The following NELL2 variants were observed in gnomAD, a reference collection of about 807,000 sequenced individuals.
NELL2 encodes the protein protein kinase C-binding protein NELL2.
In NELL2, 41 loss-of-function variants were observed where a neutral mutation model predicts 109.6. The observed-to-expected ratio is 0.37, with a 90% CI of 0.29 to 0.49. The LOEUF is 0.49. Ranked by LOEUF, NELL2 falls within the 20% of genes least tolerant of loss-of-function variation. NELL2 has a pLI of 0.98. For missense variants in NELL2, 900 were observed against 1,008.3 expected (o/e 0.89, Z 1.45); for synonymous variants, 355 against 344.7 (o/e 1.03, Z -0.33).
At chr12:44,630,133 G>C (rs192613583) in intron 13 of NELL2, among the ~76,000 whole-genome samples, 33 of 152,258 alleles carry the variant, frequency 2.2e-4, no homozygotes, top group African/African-American at 7.9e-4. Context: ...AAGAAGACTT[G>C]ATATGAACAG....
chr12:44,682,064 T>A (rs1317529474), intron 12 of NELL2, among the ~76,000 whole-genome samples: 4 of 150,984 alleles, frequency 2.6e-5, no homozygotes, highest in African/African-American at 9.9e-5. Context: ...TTTCTCCACA[T>A]CCTCTCCAGC....
At chr12:44,774,383 T>C (rs189815387) in intron 9 of NELL2, among the ~76,000 whole-genome samples, 2 of 152,318 alleles carry the variant, frequency 1.3e-5, no homozygotes, top group African/African-American at 4.8e-5. Context: ...TGAAGGCCAC[T>C]TGTATCATGG....
chr12:44,768,825 T>C (rs1244367980), intron 9 of NELL2, among the ~76,000 whole-genome samples: 1 of 152,194 alleles, frequency 6.6e-6, no homozygotes, highest in Non-Finnish European at 1.5e-5. Flanking sequence ...CTCGTGTCTC[T>C]ATCACACCAA....
In NELL2 at chr12:44,610,894, G is replaced by A; in HGVS notation, c.1521C>T (p.Asn507=). The change falls in exon 14 of 20, where the codon AAC becomes AAT. Residue 507 remains asparagine, a synonymous_variant. Coordinates refer to ENST00000429094, the MANE Select transcript of NELL2 (RefSeq NM_001145108.2). Reference sequence around the variant, plus strand: ...CTGTATAGCCCGGCTTGCAAACACAGTTGTGTCCTCCAACAGTGTTGAAGC... The same window carrying A: ...CTGTATAGCCCGGCTTGCAAACACAATTGTGTCCTCCAACAGTGTTGAAGC... The part of the protein sequence containing the change: ...ALCFNTVGGH[N]CVCKPGYTGN... The A allele has an allele frequency of 6.2e-7, 1 of 1,613,190 alleles. No homozygotes were observed. The highest frequency in any genetic ancestry group is 1.7e-4 in the Middle Eastern group (1 of 6,056).
chr12:44,645,291 C>T (rs948274911), intron 13 of NELL2, among the ~76,000 whole-genome samples: 5 of 152,134 alleles, frequency 3.3e-5, no homozygotes, highest in African/African-American at 1.2e-4. Flanking sequence ...TAAATTATTA[C>T]TCTGTCTGCT....
intron 11 of NELL2, among the ~76,000 whole-genome samples, chr12:44,705,957 A>G (rs1937854403): frequency 6.6e-6 from 1 of 152,104 alleles, no homozygotes; most frequent in Non-Finnish European, 1.5e-5. Flanking sequence ...GACTCTGCCC[A>G]ATATTATCTA....
rs12228073 is a variant in NELL2 at position 44,836,431 on chromosome 12, C to T, written c.185-20295G>A. 0.013 allele frequency among the ~76,000 whole-genome samples: 1,961 copies of T among 152,268 alleles called. 89 individuals are homozygous for T. The East Asian group carries it at 0.17, about 13-fold the overall frequency. On this transcript the variant is annotated intron_variant, in intron 2 of 19. Coordinates refer to ENST00000429094, the MANE Select transcript of NELL2 (RefSeq NM_001145108.2). ...GGTGAAACCACACTCAAACTTCCCA[C>T]GTAGAACCCCAAGAATGTTTCCTCA...
chr12:44,569,897 A>G (rs1226194131), intron 15 of NELL2, among the ~76,000 whole-genome samples: 1 of 152,184 alleles, frequency 6.6e-6, no homozygotes, highest in Non-Finnish European at 1.5e-5. Flanking sequence ...ATTTCCAGCC[A>G]GGGATTTAAA....
At chr12:44,573,607 A>G (rs1021388224) in intron 15 of NELL2, among the ~76,000 whole-genome samples, 38 of 152,346 alleles carry the variant, frequency 2.5e-4, no homozygotes, top group African/African-American at 8.4e-4. Context: ...ACAGCAAAGA[A>G]CAGAATATAT....
intron 1 of NELL2, among the ~76,000 whole-genome samples, chr12:44,896,753 A>G (rs1310032345): frequency 6.6e-6 from 1 of 152,180 alleles, no homozygotes; most frequent in Non-Finnish European, 1.5e-5. Flanking sequence ...ATTTATTTTT[A>G]AAGGGCAGAT....
intron 13 of NELL2, among the ~76,000 whole-genome samples, chr12:44,659,699 G>A (rs542373694): frequency 1.3e-5 from 2 of 152,096 alleles, no homozygotes; most frequent in East Asian, 3.9e-4. Flanking sequence ...TAAAATATAA[G>A]CACTAGGCAT....
Position 44,685,880 on chromosome 12 carries a change from G to T in NELL2, c.1318+17846C>A, listed in dbSNP as rs1012871115. Among the ~76,000 whole-genome samples, 3 of 151,996 alleles carry T rather than the reference G, an allele frequency of 2.0e-5. No homozygotes were observed. The South Asian group carries it at 6.2e-4, about 32-fold the overall frequency. ...CCTTCATTTCAACTTTGGTGAATCC[G>T]ACAATTATGTGTCTTGGTGTTGCTC... On this transcript the variant is annotated intron_variant, in intron 12 of 19. Transcript: ENST00000429094.
At chr12:44,701,761 T>C (rs896506840) in intron 12 of NELL2, among the ~76,000 whole-genome samples, 3 of 152,078 alleles carry the variant, frequency 2.0e-5, no homozygotes, top group African/African-American at 7.2e-5. Flanking sequence ...GCAATAGCCT[T>C]CCAACTCATC....
chr12:44,548,924 C>T (rs1942916507), intron 15 of NELL2, among the ~76,000 whole-genome samples: 1 of 152,044 alleles, frequency 6.6e-6, no homozygotes, highest in Admixed American at 6.6e-5. Flanking sequence ...TATTTATTCC[C>T]CAGTGGAATG....
intron 13 of NELL2, among the ~76,000 whole-genome samples, chr12:44,644,872 G>A (rs1380712623): frequency 2.0e-5 from 3 of 151,552 alleles, no homozygotes; most frequent in Non-Finnish European, 4.4e-5. Context: ...TGGGTGTACA[G>A]AAGCAGGAGG....
chr12:44,915,024 TA>T (rs1279115059), upstream of NELL2, among the ~76,000 whole-genome samples: 3,428 of 136,588 alleles, frequency 0.025, 143 homozygotes, highest in African/African-American at 0.084. Context: ...TAATTTTTTG[TA>T]TTTTTTTAGT....
chr12:44,721,507 A>T (rs1363111927), intron 9 of NELL2, among the ~76,000 whole-genome samples: 2 of 152,178 alleles, frequency 1.3e-5, no homozygotes, highest in Non-Finnish European at 2.9e-5. Flanking sequence ...GTCACTTTCA[A>T]AGTTAGAACT....
At chr12:44,684,001 G>A (rs1277152524) in intron 12 of NELL2, among the ~76,000 whole-genome samples, 1 of 152,216 alleles carries the variant, frequency 6.6e-6, no homozygotes, top group Non-Finnish European at 1.5e-5. Flanking sequence ...AATGGTACCA[G>A]TTCCTCCTTG....
At chr12:44,792,006 A>G (rs1942454643) in intron 3 of NELL2, among the ~76,000 whole-genome samples, 1 of 151,878 alleles carries the variant, frequency 6.6e-6, no homozygotes, top group South Asian at 2.1e-4. Context: ...AAAGGAAACC[A>G]GTGTGGCCAG....
Sources: gnomAD v4.1 joint callset for allele counts (sites outside exome capture counted in the v4.1 genomes callset) on GRCh38, gnomAD v4.1.1 for gene constraint, MANE v1.5 for transcripts, NCBI Gene and HGNC (gene_info 2026-07-23, HGNC 2026-07-21) for gene names.